The following CACNB2 variants were observed in gnomAD, a reference collection of about 807,000 sequenced individuals.
CACNB2 encodes the protein voltage-dependent L-type calcium channel subunit beta-2.
In CACNB2, 42 loss-of-function variants were observed where a neutral mutation model predicts 73.3. That is an observed-to-expected ratio of 0.57 (90% CI 0.45 to 0.74). The LOEUF is 0.74. Among genes scored for constraint, CACNB2 ranks in the 30% least tolerant of loss-of-function variants. The pLI, the probability that CACNB2 is intolerant of heterozygous loss-of-function variation, is 0.00. For synonymous variants in CACNB2, 348 were observed against 310.3 expected, an observed-to-expected ratio of 1.12 and a Z score of -1.28; for missense variants, 940 against 853.0, an observed-to-expected ratio of 1.10 and a Z score of -1.27.
At chr10:18,150,386 G>A (rs370225763) in intron 1 of CACNB2, among the ~76,000 whole-genome samples, 6 of 152,170 alleles carry the variant, frequency 3.9e-5, no homozygotes, top group African/African-American at 9.7e-5. Flanking sequence ...CTCCTCAGCC[G>A]GGTGCAACGG....
chr10:18,255,897 C>T (rs765173488), intron 2 of CACNB2, among the ~76,000 whole-genome samples: 4 of 152,142 alleles, frequency 2.6e-5, no homozygotes, highest in African/African-American at 4.8e-5. Flanking sequence ...TCTTTCATTT[C>T]TTATTATGAA....
intron 2 of CACNB2, among the ~76,000 whole-genome samples, chr10:18,364,457 C>T (rs948738472): frequency 4.6e-5 from 7 of 151,892 alleles, no homozygotes; most frequent in South Asian, 4.1e-4. Flanking sequence ...CGCAACACCA[C>T]GCCTGGCTAA....
chr10:18,353,410 C>CA (rs35014370), intron 2 of CACNB2, among the ~76,000 whole-genome samples: 6,273 of 141,142 alleles, frequency 0.044, 194 homozygotes, highest in African/African-American at 0.094. Flanking sequence ...ACTCTGTCTC[C>CA]AAAAAAAAAA....
At chr10:18,212,669 A>G (rs993089071) in intron 2 of CACNB2, among the ~76,000 whole-genome samples, 2 of 152,218 alleles carry the variant, frequency 1.3e-5, no homozygotes, top group Non-Finnish European at 2.9e-5. Context: ...TGGATAAGGA[A>G]TTATTCCAGG....
chr10:18,306,707 G>A (rs954284349), intron 2 of CACNB2, among the ~76,000 whole-genome samples: 2 of 152,142 alleles, frequency 1.3e-5, no homozygotes, highest in African/African-American at 4.8e-5. Context: ...AGATAGTTAA[G>A]GAGTGAGGGC....
chr10:18,233,329 C>T (rs2036296206), intron 2 of CACNB2, among the ~76,000 whole-genome samples: 2 of 152,066 alleles, frequency 1.3e-5, no homozygotes, highest in Non-Finnish European at 2.9e-5. Context: ...CTCTCTCCAG[C>T]CACGAGCCAT....
intron 2 of CACNB2, among the ~76,000 whole-genome samples, chr10:18,386,548 G>A (rs1021106529): frequency 2.6e-5 from 4 of 151,572 alleles, no homozygotes; most frequent in Admixed American, 1.3e-4. Flanking sequence ...GACTACAGGC[G>A]CCCGCCACCA....
chr10:18,249,998 C>A (rs774723156), intron 2 of CACNB2, among the ~76,000 whole-genome samples: 9 of 152,200 alleles, frequency 5.9e-5, no homozygotes, highest in Non-Finnish European at 1.2e-4. Flanking sequence ...CAACTGGACT[C>A]ATTCTTGGAT....
At chr10:18,248,828 T>C (rs2036972947) in intron 2 of CACNB2, among the ~76,000 whole-genome samples, 1 of 152,186 alleles carries the variant, frequency 6.6e-6, no homozygotes, top group Non-Finnish European at 1.5e-5. Context: ...TCTGTTCCTC[T>C]CTCCCTCTGT....
At chr10:18,265,066 C>T (rs1250470032) in intron 2 of CACNB2, among the ~76,000 whole-genome samples, 1 of 151,854 alleles carries the variant, frequency 6.6e-6, no homozygotes, top group Non-Finnish European at 1.5e-5. Flanking sequence ...CAGAGTATCC[C>T]ATTATGGCTT....
chr10:18,512,516 T>C (rs946064333), intron 6 of CACNB2, among the ~76,000 whole-genome samples: 1 of 152,234 alleles, frequency 6.6e-6, no homozygotes, highest in Non-Finnish European at 1.5e-5. Flanking sequence ...ACTGTCCTTA[T>C]TTTTACACAA....
At chr10:18,369,225 A>G (rs1243138781) in intron 2 of CACNB2, among the ~76,000 whole-genome samples, 1 of 152,238 alleles carries the variant, frequency 6.6e-6, no homozygotes, top group Non-Finnish European at 1.5e-5. Flanking sequence ...ATTACAATTA[A>G]GCTATCAAAT....
At chr10:18,194,170 C>T (rs533968660) in intron 2 of CACNB2, among the ~76,000 whole-genome samples, 2 of 152,108 alleles carry the variant, frequency 1.3e-5, no homozygotes, top group African/African-American at 2.4e-5. Flanking sequence ...TCATCTGAGT[C>T]CCTGCTCTTC....
chr10:18,155,148 C>T (rs186569320), intron 2 of CACNB2, among the ~76,000 whole-genome samples: 95 of 152,274 alleles, frequency 6.2e-4, no homozygotes, highest in African/African-American at 2.2e-3. Context: ...AGCCACCACC[C>T]AGGTAAAGAA....
At chr10:18,368,548 C>G (rs1374330589) in intron 2 of CACNB2, among the ~76,000 whole-genome samples, 1 of 151,720 alleles carries the variant, frequency 6.6e-6, no homozygotes, top group Non-Finnish European at 1.5e-5. Flanking sequence ...CATATGCTAC[C>G]AAAAAGGAAA....
intron 3 of CACNB2, among the ~76,000 whole-genome samples, chr10:18,403,870 C>T (rs1303144623): frequency 1.1e-4 from 16 of 147,338 alleles, no homozygotes; most frequent in African/African-American, 3.8e-4. Context: ...TTAATGGGTA[C>T]CCAAAAAAAA....
At chr10:18,190,284 G>T (rs1424298359) in intron 2 of CACNB2, among the ~76,000 whole-genome samples, 4 of 152,158 alleles carry the variant, frequency 2.6e-5, no homozygotes. Flanking sequence ...CTCAGATACA[G>T]AGGGTTCAAG....
At chr10:18,525,202 T>A (rs1459795877) in intron 9 of CACNB2, among the ~76,000 whole-genome samples, 2 of 124,738 alleles carry the variant, frequency 1.6e-5, no homozygotes, top group African/African-American at 6.1e-5. Flanking sequence ...TGGGTGTCAT[T>A]CTGGAACATT....
At chr10:18,146,436 AGT>A (rs2030990818) in intron 1 of CACNB2, among the ~76,000 whole-genome samples, 2 of 150,926 alleles carry the variant, frequency 1.3e-5, no homozygotes, top group Non-Finnish European at 2.9e-5. Flanking sequence ...CAGCCTCCTG[AGT>A]AGCTGGGACT....
Sources: allele counts gnomAD v4.1 joint callset (sites outside exome capture counted in the v4.1 genomes callset), GRCh38; gene constraint gnomAD v4.1.1; transcripts MANE v1.5; gene names NCBI Gene and HGNC (gene_info 2026-07-23, HGNC 2026-07-21).